CUBN: variants seen among roughly 807,000 people sequenced by gnomAD.
CUBN encodes the protein 460 kDa receptor.
Under a neutral mutation model 405.3 loss-of-function variants are expected in CUBN, and 282 were observed. The ratio of observed to expected loss-of-function variants is 0.70; its 90% confidence interval spans 0.63 to 0.77. CUBN has a LOEUF of 0.77. Among genes scored for constraint, CUBN ranks in the 30% least tolerant of loss-of-function variants. CUBN has a pLI of 0.00. For missense variants in CUBN, 4,514 were observed against 4,475.2 expected, an observed-to-expected ratio of 1.01 and a Z score of -0.25; for synonymous variants, 1,684 against 1,617.0, an observed-to-expected ratio of 1.04 and a Z score of -0.99.
chr10:16,974,349 G>C (rs1477419753), intron 31 of CUBN, among the ~76,000 whole-genome samples: 1 of 152,036 alleles, frequency 6.6e-6, no homozygotes, highest in Non-Finnish European at 1.5e-5. Context: ...TTATTTTAAT[G>C]TCTTGCCTGG....
chr10:16,890,275 C>A, intron 55 of CUBN, 96 bp downstream of exon 55: 1 of 1,190,724 alleles, frequency 8.4e-7, no homozygotes, highest in Non-Finnish European at 1.3e-6. Flanking sequence ...GACCCCCATA[C>A]TCCTCCCCTA....
chr10:16,944,105 A>G (rs1842721240), intron 36 of CUBN, among the ~76,000 whole-genome samples: 1 of 152,198 alleles, frequency 6.6e-6, no homozygotes, highest in Admixed American at 6.5e-5. Flanking sequence ...ACTTTCTAAA[A>G]GCACTCTGCA....
At chr10:16,850,782 T>C (rs919119200) in intron 60 of CUBN, among the ~76,000 whole-genome samples, 1 of 152,238 alleles carries the variant, frequency 6.6e-6, no homozygotes, top group Non-Finnish European at 1.5e-5. Context: ...CTTTATTTAC[T>C]TTTAATGGGA....
Position 16,981,906 on chromosome 10 carries a change from A to G in CUBN, c.4695+578T>C, listed in dbSNP as rs1388984666. Among the ~76,000 whole-genome samples, 3 of 152,356 alleles carry G rather than the reference A, an allele frequency of 2.0e-5. No homozygotes were observed. In the South Asian group the frequency reaches 6.2e-4, roughly 32 times the overall value. On this transcript the variant is annotated intron_variant, in intron 31 of 66. Transcript: ENST00000377833. Reference sequence around the variant, plus strand: ...ATCTCCCAACCTGTTCTATCAGAACATGGATTTGTTCAAGTAGCAAATCAA... The same window carrying G: ...ATCTCCCAACCTGTTCTATCAGAACGTGGATTTGTTCAAGTAGCAAATCAA...
At chr10:16,865,039 G>GA (rs1451202458) in intron 59 of CUBN, among the ~76,000 whole-genome samples, 1 of 138,762 alleles carries the variant, frequency 7.2e-6, no homozygotes, top group African/African-American at 2.8e-5. Flanking sequence ...TGGGTCACTG[G>GA]GTCACTGCAA....
intron 59 of CUBN, among the ~76,000 whole-genome samples, chr10:16,851,665 T>C (rs1415225857): frequency 7.8e-6 from 1 of 127,426 alleles, no homozygotes; most frequent in Non-Finnish European, 1.6e-5. Context: ...TCCCTCTATC[T>C]TTCCCTCCCT....
Position 16,954,467 on chromosome 10 carries a change from A to G in CUBN, c.4777T>C (p.Ser1593Pro). The change falls in exon 32 of 67, where the codon TCA becomes CCA. Residue 1593 changes from serine (S) to proline (P), a missense_variant. Ser to Pro is a moderately conservative substitution (Grantham distance 74). Transcript: ENST00000377833. ...REQLANPIVS[S>P]GNSLFLRFQS... ...AATCTCAAGAAGAGGCTGTTTCCTG[A>G]GGAGACGATGGGGTTAGCCAGCTGC... 6.2e-7 allele frequency: 1 copy of G among 1,614,110 alleles called. No individual in the cohort carries two copies. Among genetic ancestry groups the G allele is most frequent in the Non-Finnish European group, 8.5e-7 (1 of 1,180,020 alleles).
At chr10:16,856,051 T>G (rs772580698) in intron 59 of CUBN, among the ~76,000 whole-genome samples, 4 of 152,196 alleles carry the variant, frequency 2.6e-5, no homozygotes, top group Non-Finnish European at 5.9e-5. Flanking sequence ...TGTGTTTCAA[T>G]GGTGGGGGAA....
At chr10:16,864,192 G>C (rs1840097191) in intron 59 of CUBN, among the ~76,000 whole-genome samples, 1 of 152,146 alleles carries the variant, frequency 6.6e-6, no homozygotes, top group Non-Finnish European at 1.5e-5. Context: ...ATTGTGCAAG[G>C]CCTGGGGATT....
intron 28 of CUBN, among the ~76,000 whole-genome samples, chr10:17,016,972 T>C (rs1398592397): frequency 6.6e-6 from 1 of 152,120 alleles, no homozygotes; most frequent in African/African-American, 2.4e-5. Context: ...TTCCCTCAGG[T>C]GGCCATTTAT....
intron 60 of CUBN, among the ~76,000 whole-genome samples, chr10:16,850,630 C>T (rs1354909475): frequency 6.6e-6 from 1 of 152,146 alleles, no homozygotes; most frequent in Non-Finnish European, 1.5e-5. Flanking sequence ...CGCCGCCACA[C>T]CCGGCTAATT....
chr10:16,977,809 C>A (rs1020722987), intron 31 of CUBN, among the ~76,000 whole-genome samples: 3 of 152,224 alleles, frequency 2.0e-5, no homozygotes, highest in Non-Finnish European at 2.9e-5. Flanking sequence ...TCCTGCACCC[C>A]TGTCTGCATG....
chr10:17,009,019 G>A (rs917681149), intron 28 of CUBN, among the ~76,000 whole-genome samples: 1 of 152,180 alleles, frequency 6.6e-6, no homozygotes, highest in Non-Finnish European at 1.5e-5. Context: ...CGCCCTCTCT[G>A]TGGGCTCCCC....
At chr10:17,103,288 G>A (rs759311055) in intron 12 of CUBN, 51 bp from the exon 13 acceptor site, 3 of 1,170,902 alleles carry the variant, frequency 2.6e-6, no homozygotes, top group Non-Finnish European at 3.9e-6. Context: ...AAAAGGAAGA[G>A]GTTGGGCAAC....
At chr10:17,092,592 T>C (rs1277789418) in intron 14 of CUBN, among the ~76,000 whole-genome samples, 1 of 152,146 alleles carries the variant, frequency 6.6e-6, no homozygotes, top group African/African-American at 2.4e-5. Flanking sequence ...CCTCTGGTCG[T>C]CCTCACTGCT....
intron 60 of CUBN, 46 bp from the exon 61 acceptor site, chr10:16,841,093 T>C: frequency 6.3e-7 from 1 of 1,592,056 alleles, no homozygotes. Flanking sequence ...TTACAAAAAA[T>C]TGCATATTTC....
chr10:16,925,233 ATACT>A lies in CUBN; in HGVS notation c.6646+4_6646+7del, dbSNP rs776318596. ...AAAGCAGATATAATTCTCAGTGAAA[ATACT>A]TACCTAAACTCTTTGCCTCATATTT... is the stretch of plus-strand genomic sequence containing the variant. On this transcript the variant is annotated splice_donor_5th_base_variant and intron_variant, in intron 43 of 66. Transcript: ENST00000377833. 1 of 1,607,222 alleles carries A rather than the reference ATACT, an allele frequency of 6.2e-7. No homozygotes were observed. The highest frequency in any genetic ancestry group is 1.1e-5 in the South Asian group (1 of 90,916).
At chr10:16,943,788 A>C (rs1842716373) in intron 36 of CUBN, among the ~76,000 whole-genome samples, 1 of 152,250 alleles carries the variant, frequency 6.6e-6, no homozygotes, top group Non-Finnish European at 1.5e-5. Context: ...GCACATTAGC[A>C]TTCTGTCCGA....
At chr10:17,023,587 C>A (rs1005252063) in intron 27 of CUBN, 2 of 455,860 alleles carry the variant, frequency 4.4e-6, no homozygotes, top group Non-Finnish European at 8.8e-6. Flanking sequence ...GATTCTGATT[C>A]TGTTTTCAGA....
Sources: allele counts gnomAD v4.1 joint callset (sites outside exome capture counted in the v4.1 genomes callset), GRCh38; gene constraint gnomAD v4.1.1; transcripts MANE v1.5; gene names NCBI Gene and HGNC (gene_info 2026-07-23, HGNC 2026-07-21).